TOX: variants seen among roughly 807,000 people sequenced by gnomAD.
TOX encodes the protein thymocyte selection-associated high mobility group box protein TOX.
TOX carries 11 observed loss-of-function variants against 53.7 expected under a neutral mutation model. The observed-to-expected ratio is 0.20, with a 90% CI of 0.13 to 0.34. The LOEUF (loss-of-function observed/expected upper bound fraction) is 0.34. Among genes scored for constraint, TOX ranks in the 10% least tolerant of loss-of-function variants. The probability of loss-of-function intolerance (pLI) is 1.00; values close to 1 mark genes in which losing one functional copy is unlikely to be tolerated. For missense variants in TOX, 570 were observed against 664.6 expected, an observed-to-expected ratio of 0.86 and a Z score of 1.56; for synonymous variants, 225 against 245.3, an observed-to-expected ratio of 0.92 and a Z score of 0.77.
In TOX at chr8:58,959,946, G is replaced by A. The variant is rs775310287; in HGVS notation, c.165C>T (p.Ser55=). The A allele has an allele frequency of 5.4e-5, 87 of 1,613,906 alleles. No individual in the cohort carries two copies. The highest frequency in any genetic ancestry group is 6.8e-5 in the Non-Finnish European group (80 of 1,179,938). The stretch of plus-strand genomic sequence containing the variant: ...CAGAGAAGATTAATTAACCCACCTG[G>A]CTGGCTGGCACATAGTCCTGGCTCG... ...TEPSQDYVPA[S]QSYPGPSLES... is the part of the protein sequence containing the mutation. Residue 55 remains serine (S), a synonymous_variant, in exon 2 of 9, where the codon AGC becomes AGT. Transcript: ENST00000361421.
At chr8:58,838,783 C>G (rs1373400542) in intron 4 of TOX, among the ~76,000 whole-genome samples, 4 of 140,056 alleles carry the variant, frequency 2.9e-5, no homozygotes, top group Non-Finnish European at 4.5e-5. Context: ...CTCACTGCAA[C>G]CTCTGCCTCC....
chr8:58,815,540 G>A lies in TOX; in HGVS notation c.1190C>T (p.Ala397Val), dbSNP rs772168584. ...AMHPSLPRNI[A>V]PKPNNQMPVT... ...TGGCATTTGGTTATTCGGCTTGGGG[G>A]CTATGTTCCTGGGGAGACTAGGATG... The change falls in exon 7 of 9, where the codon GCC becomes GTC. Residue 397 changes from alanine to valine, a missense_variant. Transcript: ENST00000361421. 2.5e-5 allele frequency: 40 copies of A among 1,614,024 alleles called. No individual in the cohort carries two copies. Among genetic ancestry groups the A allele is most frequent in the Non-Finnish European group, 3.1e-5 (36 of 1,180,022 alleles).
Position 59,025,147 on chromosome 8 carries a change from T to C in TOX, c.103-65139A>G, listed in dbSNP as rs142139530. On this transcript the variant is annotated intron_variant, in intron 1 of 8. Transcript: ENST00000361421. Reference sequence around the variant, plus strand: ...CCTGACAGCCCCTAGTACTGCAGCCTTGGGCGAGCCACTCAGTACGCATCT... The same window carrying C: ...CCTGACAGCCCCTAGTACTGCAGCCCTGGGCGAGCCACTCAGTACGCATCT... 5.5e-4 allele frequency among the ~76,000 whole-genome samples: 84 copies of C among 152,220 alleles called. No individual in the cohort carries two copies. In the East Asian group the frequency reaches 0.015, roughly 28 times the overall value.
chr8:58,979,160 A>C (rs1813157673), intron 1 of TOX, among the ~76,000 whole-genome samples: 1 of 152,238 alleles, frequency 6.6e-6, no homozygotes, highest in South Asian at 2.1e-4. Flanking sequence ...CATGGATTAA[A>C]ATGTCAGTAG....
At chr8:58,821,372 TC>T (rs1255904129) in intron 6 of TOX, among the ~76,000 whole-genome samples, 1 of 152,178 alleles carries the variant, frequency 6.6e-6, no homozygotes, top group East Asian at 1.9e-4. Flanking sequence ...ATTAAGTGCT[TC>T]CTATGTTCAG....
At chr8:58,951,005 A>C (rs1812612286) in intron 2 of TOX, among the ~76,000 whole-genome samples, 1 of 152,228 alleles carries the variant, frequency 6.6e-6, no homozygotes, top group South Asian at 2.1e-4. Flanking sequence ...CCATGATTTC[A>C]TTTGGCGTAA....
At chr8:59,102,569 G>C (rs781651047) in intron 1 of TOX, among the ~76,000 whole-genome samples, 1 of 152,012 alleles carries the variant, frequency 6.6e-6, no homozygotes, top group Non-Finnish European at 1.5e-5. Flanking sequence ...CGTGAGACCC[G>C]TTCACTATCA....
chr8:58,968,084 T>C (rs1485013128), intron 1 of TOX, among the ~76,000 whole-genome samples: 1 of 152,200 alleles, frequency 6.6e-6, no homozygotes, highest in Admixed American at 6.5e-5. Flanking sequence ...AAAGCATTAC[T>C]CCATTTGAAA....
At chr8:58,866,525 A>G (rs1400757100) in intron 3 of TOX, among the ~76,000 whole-genome samples, 1 of 152,232 alleles carries the variant, frequency 6.6e-6, no homozygotes, top group Non-Finnish European at 1.5e-5. Flanking sequence ...TATGCTTTCT[A>G]TCCTTTTCTT....
chr8:59,085,325 C>T (rs1804487375), intron 1 of TOX, among the ~76,000 whole-genome samples: 1 of 152,140 alleles, frequency 6.6e-6, no homozygotes, highest in East Asian at 1.9e-4. Flanking sequence ...GTAATGTAAT[C>T]AAACTTTTTT....
intron 3 of TOX, among the ~76,000 whole-genome samples, chr8:58,922,652 G>T (rs1222880358): frequency 6.6e-6 from 1 of 152,174 alleles, no homozygotes; most frequent in East Asian, 1.9e-4. Context: ...AGCAGGATTA[G>T]GCAGCCAAGA....
At chr8:59,023,759 C>T (rs1225240328) in intron 1 of TOX, among the ~76,000 whole-genome samples, 4 of 152,198 alleles carry the variant, frequency 2.6e-5, no homozygotes, top group African/African-American at 7.2e-5. Flanking sequence ...GACTCCAACA[C>T]AGAGTGTTGT....
chr8:58,826,739 G>A (rs890394427), intron 6 of TOX, 83 bp downstream of exon 6: 2 of 1,174,348 alleles, frequency 1.7e-6, no homozygotes, highest in Non-Finnish European at 2.4e-6. Context: ...TCGTTAAAGT[G>A]ATCTTTTATG....
At chr8:59,055,369 T>C (rs191931171) in intron 1 of TOX, among the ~76,000 whole-genome samples, 68 of 152,254 alleles carry the variant, frequency 4.5e-4, no homozygotes, top group Middle Eastern at 3.4e-3. Flanking sequence ...TGTTTGAGCT[T>C]GTGAATAAAG....
intron 1 of TOX, among the ~76,000 whole-genome samples, chr8:59,030,089 A>C (rs1417148685): frequency 1.3e-5 from 2 of 152,156 alleles, no homozygotes; most frequent in South Asian, 2.1e-4. Flanking sequence ...TTAGTAAAGC[A>C]TGCCTCAAAG....
intron 1 of TOX, among the ~76,000 whole-genome samples, chr8:59,067,421 G>C (rs1467927111): frequency 6.6e-6 from 1 of 152,014 alleles, no homozygotes; most frequent in Non-Finnish European, 1.5e-5. Context: ...ACCCATGATG[G>C]TGCACGCCTG....
intron 1 of TOX, among the ~76,000 whole-genome samples, chr8:59,032,928 G>A (rs1238241309): frequency 1.3e-5 from 2 of 151,994 alleles, no homozygotes; most frequent in African/African-American, 4.8e-5. Flanking sequence ...GCTACTTGGA[G>A]GCTTAGGCAG....
chr8:58,828,159 G>C (rs559621308), intron 5 of TOX, among the ~76,000 whole-genome samples: 17 of 152,300 alleles, frequency 1.1e-4, no homozygotes, highest in Admixed American at 9.2e-4. Flanking sequence ...TGCTGACTGT[G>C]GTTTGCTGAG....
intron 2 of TOX, among the ~76,000 whole-genome samples, chr8:58,948,931 C>A (rs1812572116): frequency 6.6e-6 from 1 of 152,052 alleles, no homozygotes; most frequent in South Asian, 2.1e-4. Context: ...TGCATATTTG[C>A]TAGTTGGTTT....
Sources: allele counts gnomAD v4.1 joint callset (sites outside exome capture counted in the v4.1 genomes callset), GRCh38; gene constraint gnomAD v4.1.1; transcripts MANE v1.5; gene names NCBI Gene and HGNC (gene_info 2026-07-23, HGNC 2026-07-21).